Variants in MORC3 observed in about 807,000 individuals in gnomAD.
MORC3 encodes the protein MORC family CW-type zinc finger protein 3.
MORC3 carries 31 observed loss-of-function variants against 109.1 expected under a neutral mutation model. The observed-to-expected ratio is 0.28, with a 90% confidence interval of 0.21 to 0.38. MORC3 has a LOEUF of 0.38. MORC3 is among the 10% of genes least tolerant of loss of function. The pLI, the probability that MORC3 is intolerant of heterozygous loss-of-function variation, is 1.00. For missense variants in MORC3, 867 were observed against 1,135.8 expected, an observed-to-expected ratio of 0.76 and a Z score of 3.40; for synonymous variants, 395 against 380.7, an observed-to-expected ratio of 1.04 and a Z score of -0.44.
At chr21:36,356,066 A>G (rs1824918233) in intron 9 of MORC3, among the ~76,000 whole-genome samples, 1 of 151,114 alleles carries the variant, frequency 6.6e-6, no homozygotes, top group African/African-American at 2.4e-5. Context: ...TGAAGCAAAT[A>G]AAAAACTTGA....
In MORC3 at chr21:36,359,896, T is replaced by C. The variant is rs1601534078; in HGVS notation, c.1209-59T>C. The C allele has an allele frequency of 4.4e-6, 7 of 1,586,120 alleles. No homozygotes were observed. In the South Asian group the frequency reaches 7.8e-5, roughly 18 times the overall value. On this transcript the variant is annotated intron_variant, in intron 10 of 16. Transcript: ENST00000400485. ...TGTGGTAGAAATGATGTGGAACATC[T>C]GATGAAGTATTTAGAGTCCATATTT...
At chr21:36,329,693 T>C (rs1601510088) in intron 1 of MORC3, among the ~76,000 whole-genome samples, 1 of 152,182 alleles carries the variant, frequency 6.6e-6, no homozygotes, top group African/African-American at 2.4e-5. Flanking sequence ...ACCTGCTTCA[T>C]TATACTGCTC....
At chr21:36,372,603 AC>A in intron 16 of MORC3, 72 bp downstream of exon 16, 2 of 1,416,270 alleles carry the variant, frequency 1.4e-6, no homozygotes, top group South Asian at 3.1e-5. Context: ...ATCTGCTAGC[AC>A]CCATCAAATA....
intron 8 of MORC3, among the ~76,000 whole-genome samples, chr21:36,348,733 C>T (rs549609773): frequency 6.6e-6 from 1 of 152,282 alleles, no homozygotes; most frequent in East Asian, 1.9e-4. Context: ...TCTTGTATAA[C>T]ATTGGGGATG....
At chr21:36,330,141 T>G (rs1047525016) in intron 1 of MORC3, among the ~76,000 whole-genome samples, 1 of 152,062 alleles carries the variant, frequency 6.6e-6, no homozygotes, top group Non-Finnish European at 1.5e-5. Context: ...GGATTACAGG[T>G]GTGAGCCACC....
Position 36,375,333 on chromosome 21 carries a change from CT to C in MORC3, c.*41del, listed in dbSNP as rs1184586738. On this transcript the variant is annotated 3_prime_UTR_variant, in exon 17 of 17. Transcript: ENST00000400485. ...TGTAAGATAAAATATTTGCTCAATT[CT>C]TTTGGTTGTACAGCTTTCAAAATAT... 6 of 1,556,598 alleles carry C rather than the reference CT, an allele frequency of 3.9e-6. No homozygotes were observed. Among genetic ancestry groups the C allele is most frequent in the Admixed American group, 3.6e-5 (2 of 55,862 alleles).
At chr21:36,361,145 C>A (rs2085710292) in intron 12 of MORC3, among the ~76,000 whole-genome samples, 1 of 151,830 alleles carries the variant, frequency 6.6e-6, no homozygotes, top group Admixed American at 6.6e-5. Context: ...AGACTTCAGG[C>A]TAATCTACCA....
intron 12 of MORC3, among the ~76,000 whole-genome samples, chr21:36,361,322 T>C (rs1055666179): frequency 6.6e-6 from 1 of 151,494 alleles, no homozygotes; most frequent in African/African-American, 2.4e-5. Context: ...GGTGGGTGGA[T>C]CACTTGAGGT....
Position 36,375,538 on chromosome 21 carries a change from A to C in MORC3, c.*242A>C. 1 of 346,532 alleles carries C rather than the reference A, an allele frequency of 2.9e-6. No homozygotes were observed. The highest frequency in any genetic ancestry group is 5.3e-6 in the Non-Finnish European group (1 of 189,268). 21.5% of individuals were successfully genotyped at this position (346,532 alleles called of 1,614,324 possible). A position where few individuals can be genotyped will look rare whatever the true frequency, so the allele number is the denominator to read the frequency against. On this transcript the variant is annotated 3_prime_UTR_variant, in exon 17 of 17. Transcript: ENST00000400485. ...AACTCATGACTCTGTTTTGAATGTA[A>C]ATATTTGTAATTAAGCCTGCACATA...
chr21:36,358,394 T>A (rs1032581450), intron 10 of MORC3, among the ~76,000 whole-genome samples: 6 of 151,676 alleles, frequency 4.0e-5, no homozygotes, highest in Non-Finnish European at 7.4e-5. Context: ...TCAAAAAAAA[T>A]AAATAAAATG....
chr21:36,329,697 A>G (rs1338805154), intron 1 of MORC3, among the ~76,000 whole-genome samples: 1 of 152,208 alleles, frequency 6.6e-6, no homozygotes, highest in Admixed American at 6.5e-5. Context: ...GCTTCATTAT[A>G]CTGCTCTGGC....
At chr21:36,343,905 AG>A (rs1328276603) in intron 6 of MORC3, among the ~76,000 whole-genome samples, 1 of 152,176 alleles carries the variant, frequency 6.6e-6, no homozygotes, top group Non-Finnish European at 1.5e-5. Context: ...TTACTAAAAT[AG>A]TAAATAGCAG....
At chr21:36,371,381 G>T (rs1300317019) in intron 15 of MORC3, among the ~76,000 whole-genome samples, 1 of 152,146 alleles carries the variant, frequency 6.6e-6, no homozygotes, top group African/African-American at 2.4e-5. Context: ...GTTGGAAACA[G>T]CATTAACTCC....
At chr21:36,337,366 C>T (rs904342463) in intron 3 of MORC3, among the ~76,000 whole-genome samples, 1 of 152,098 alleles carries the variant, frequency 6.6e-6, no homozygotes, top group African/African-American at 2.4e-5. Context: ...GGTGAAATCT[C>T]ACAGTCCCGG....
At chr21:36,328,845 T>C (rs1467016142) in intron 1 of MORC3, among the ~76,000 whole-genome samples, 1 of 149,280 alleles carries the variant, frequency 6.7e-6, no homozygotes, top group East Asian at 2.0e-4. Context: ...TTGGGCCACA[T>C]TGGAAGAAGA....
At chr21:36,326,108 G>T (rs1231897511) in intron 1 of MORC3, among the ~76,000 whole-genome samples, 1 of 152,082 alleles carries the variant, frequency 6.6e-6, no homozygotes, top group Non-Finnish European at 1.5e-5. Flanking sequence ...TTGGGAGGCT[G>T]AGGCGGGAGA....
intron 3 of MORC3, among the ~76,000 whole-genome samples, 161 bp from the exon 4 acceptor site, chr21:36,337,571 C>G (rs565277626): frequency 6.6e-6 from 1 of 151,884 alleles, no homozygotes; most frequent in Non-Finnish European, 1.5e-5. Flanking sequence ...AGTAATCTGC[C>G]CAAGATTATA....
At chr21:36,370,012 C>T (rs746238467) in intron 15 of MORC3, 136 bp downstream of exon 15, 1 of 960,602 alleles carries the variant, frequency 1.0e-6, no homozygotes, top group Non-Finnish European at 1.6e-6. Context: ...GGGTCAGTCA[C>T]TTGAGGTCAA....
At chr21:36,352,229 G>A (rs978185449) in intron 9 of MORC3, among the ~76,000 whole-genome samples, 1 of 152,162 alleles carries the variant, frequency 6.6e-6, no homozygotes, top group Non-Finnish European at 1.5e-5. Flanking sequence ...TACAAAAACT[G>A]TGAATCAAAG....
Sources: gnomAD v4.1 joint callset for allele counts (sites outside exome capture counted in the v4.1 genomes callset) on GRCh38, gnomAD v4.1.1 for gene constraint, MANE v1.5 for transcripts, NCBI Gene and HGNC (gene_info 2026-07-23, HGNC 2026-07-21) for gene names.